The following CADM2 variants were observed in gnomAD, a reference collection of about 807,000 sequenced individuals.
The protein encoded by CADM2 is immunoglobulin superfamily member 4D.
Under a neutral mutation model 49.8 loss-of-function variants are expected in CADM2, and 12 were observed. That is an observed-to-expected ratio of 0.24 (90% CI 0.15 to 0.39). The LOEUF (loss-of-function observed/expected upper bound fraction) is 0.39, where lower values mean the gene tolerates loss of function less well. Among genes scored for constraint, CADM2 ranks in the 10% least tolerant of loss-of-function variants. The probability of loss-of-function intolerance (pLI) is 1.00; values close to 1 mark genes in which losing one functional copy is unlikely to be tolerated. For missense variants in CADM2, 378 were observed against 492.3 expected (o/e 0.77, Z 2.20); for synonymous variants, 214 against 175.4 (o/e 1.22, Z -1.74).
intron 1 of CADM2, among the ~76,000 whole-genome samples, chr3:85,337,322 G>T (rs1393809030): frequency 6.6e-6 from 1 of 151,128 alleles, no homozygotes; most frequent in South Asian, 2.1e-4. Flanking sequence ...GGGGCAAAAA[G>T]AAAGACAATT....
chr3:85,667,376 C>A (rs924882432), intron 1 of CADM2, among the ~76,000 whole-genome samples: 2 of 152,016 alleles, frequency 1.3e-5, no homozygotes, highest in African/African-American at 4.8e-5. Flanking sequence ...ATTTTAGATT[C>A]TTTTTCCAGT....
intron 1 of CADM2, among the ~76,000 whole-genome samples, chr3:85,024,462 A>G (rs533968662): frequency 2.6e-5 from 4 of 152,096 alleles, no homozygotes; most frequent in African/African-American, 9.6e-5. Context: ...TGTTATAATC[A>G]TAAGTTATAA....
intron 3 of CADM2, among the ~76,000 whole-genome samples, chr3:85,880,026 A>C (rs1449291879): frequency 1.3e-5 from 2 of 152,136 alleles, no homozygotes; most frequent in Admixed American, 6.5e-5. Flanking sequence ...TGCCATCCCT[A>C]GTCCTTGGCA....
chr3:85,063,067 C>A (rs2036394100), intron 1 of CADM2, among the ~76,000 whole-genome samples: 2 of 151,780 alleles, frequency 1.3e-5, no homozygotes, highest in African/African-American at 4.8e-5. Flanking sequence ...ACAATATAAA[C>A]TAAAAATGAC....
chr3:85,635,596 AT>A (rs1250491749), intron 1 of CADM2, among the ~76,000 whole-genome samples: 2 of 152,184 alleles, frequency 1.3e-5, no homozygotes, highest in East Asian at 3.8e-4. Context: ...CCTTTTTACT[AT>A]TCTAGAGCTG....
At chr3:85,773,759 C>T (rs1043406659) in intron 2 of CADM2, among the ~76,000 whole-genome samples, 1 of 151,872 alleles carries the variant, frequency 6.6e-6, no homozygotes, top group South Asian at 2.1e-4. Context: ...TGCTGGGGTT[C>T]GTGCCAATCT....
At chr3:85,225,523 A>G (rs144834095) in intron 1 of CADM2, among the ~76,000 whole-genome samples, 7 of 152,198 alleles carry the variant, frequency 4.6e-5, no homozygotes, top group Non-Finnish European at 8.8e-5. Context: ...GGGGTTTTGT[A>G]AATATACAAT....
intron 8 of CADM2, among the ~76,000 whole-genome samples, chr3:86,048,576 A>G (rs955185535): frequency 1.3e-5 from 2 of 152,160 alleles, no homozygotes; most frequent in Admixed American, 1.3e-4. Context: ...TAAAATTTAA[A>G]TGGTAATTAA....
chr3:85,814,569 A>G (rs375138655), intron 3 of CADM2, among the ~76,000 whole-genome samples: 22 of 152,256 alleles, frequency 1.4e-4, no homozygotes, highest in East Asian at 1.4e-3. Context: ...CAAAAAATCA[A>G]TGAATCCAGG....
At chr3:85,782,795 G>C (rs568583391) in intron 2 of CADM2, among the ~76,000 whole-genome samples, 1 of 152,114 alleles carries the variant, frequency 6.6e-6, no homozygotes, top group Non-Finnish European at 1.5e-5. Context: ...TACTGAATTT[G>C]GATACAGGTA....
intron 8 of CADM2, among the ~76,000 whole-genome samples, chr3:86,010,536 A>C (rs1031375585): frequency 3.8e-4 from 57 of 151,594 alleles, no homozygotes; most frequent in African/African-American, 1.3e-3. Flanking sequence ...CAATTAAAAA[A>C]TACCTAGAAA....
intron 1 of CADM2, among the ~76,000 whole-genome samples, chr3:85,081,340 T>A (rs2037157296): frequency 6.6e-6 from 1 of 152,174 alleles, no homozygotes; most frequent in Non-Finnish European, 1.5e-5. Context: ...TAAAATGAGT[T>A]ACCTCATGTA....
intron 1 of CADM2, among the ~76,000 whole-genome samples, chr3:85,589,044 T>A (rs2063026394): frequency 6.6e-6 from 1 of 152,052 alleles, no homozygotes; most frequent in South Asian, 2.1e-4. Context: ...TATGTCAGAT[T>A]TATACAGTTT....
At chr3:85,556,927 C>A (rs538602981) in intron 1 of CADM2, among the ~76,000 whole-genome samples, 14 of 151,980 alleles carry the variant, frequency 9.2e-5, no homozygotes, top group Non-Finnish European at 1.5e-4. Flanking sequence ...TTATCATGAA[C>A]AAATTTGAAA....
At chr3:85,663,801 T>TA (rs2065481006) in intron 1 of CADM2, among the ~76,000 whole-genome samples, 1 of 151,996 alleles carries the variant, frequency 6.6e-6, no homozygotes, top group Non-Finnish European at 1.5e-5. Context: ...CTCTCCTCCA[T>TA]ATATTTACCA....
At chr3:85,647,452 T>C (rs1393418792) in intron 1 of CADM2, among the ~76,000 whole-genome samples, 1 of 151,604 alleles carries the variant, frequency 6.6e-6, no homozygotes, top group African/African-American at 2.4e-5. Context: ...TTAAAAAATA[T>C]TTAACATAAA....
intron 1 of CADM2, among the ~76,000 whole-genome samples, chr3:84,982,662 G>A (rs2032251503): frequency 1.6e-5 from 2 of 129,032 alleles, no homozygotes; most frequent in African/African-American, 6.0e-5. Flanking sequence ...ATATGAAATG[G>A]CAATATATTG....
chr3:85,368,004 A>G (rs2032923340), intron 1 of CADM2, among the ~76,000 whole-genome samples: 1 of 152,100 alleles, frequency 6.6e-6, no homozygotes, highest in South Asian at 2.1e-4. Context: ...TGTTTAGACT[A>G]CAACGTAGAA....
At chr3:85,349,510 C>A (rs189982107) in intron 1 of CADM2, among the ~76,000 whole-genome samples, 23 of 152,112 alleles carry the variant, frequency 1.5e-4, no homozygotes, top group Admixed American at 4.6e-4. Flanking sequence ...TCTTCCCTAA[C>A]AATTTTTACT....
Sources: gnomAD v4.1 joint callset for allele counts (sites outside exome capture counted in the v4.1 genomes callset) on GRCh38, gnomAD v4.1.1 for gene constraint, MANE v1.5 for transcripts, NCBI Gene and HGNC (gene_info 2026-07-23, HGNC 2026-07-21) for gene names.